CEP128: variants seen among roughly 807,000 people sequenced by gnomAD.
CEP128 encodes the protein centrosomal protein 128kDa.
Under a neutral mutation model 156.7 loss-of-function variants are expected in CEP128, and 132 were observed. The ratio of observed to expected loss-of-function variants is 0.84; its 90% CI spans 0.73 to 0.97. CEP128 has a LOEUF of 0.97. CEP128 is among the 50% of genes least tolerant of loss of function. CEP128 has a pLI of 0.00. For missense variants in CEP128, 1,252 were observed against 1,281.9 expected (o/e 0.98, Z 0.36); for synonymous variants, 469 against 448.9 (o/e 1.04, Z -0.57).
intron 8 of CEP128, chr14:80,894,440 T>A (rs905437186): frequency 2.8e-6 from 1 of 351,462 alleles, no homozygotes; most frequent in Non-Finnish European, 5.4e-6. Flanking sequence ...AATCTGTTAA[T>A]CTCAGAAAAG....
At chr14:80,677,427 T>C (rs1896105918) in intron 19 of CEP128, among the ~76,000 whole-genome samples, 1 of 138,812 alleles carries the variant, frequency 7.2e-6, no homozygotes, top group South Asian at 2.2e-4. Flanking sequence ...GAGAATCACT[T>C]GAACAAAGTA....
chr14:80,905,930 T>G (rs1883862827), intron 5 of CEP128, 25 bp downstream of exon 5: 2 of 1,603,924 alleles, frequency 1.2e-6, no homozygotes, highest in African/African-American at 2.7e-5. Context: ...TTTTTAATGT[T>G]TTTCAGAACA....
chr14:80,502,724 C>T (rs538757817), intron 24 of CEP128, among the ~76,000 whole-genome samples: 13 of 152,032 alleles, frequency 8.6e-5, no homozygotes, highest in Non-Finnish European at 1.6e-4. Context: ...TTTAAAACAT[C>T]CTCTGTTCCC....
At chr14:80,580,176 T>C (rs574322089) in intron 20 of CEP128, among the ~76,000 whole-genome samples, 198 bp downstream of exon 20, 14 of 152,320 alleles carry the variant, frequency 9.2e-5, no homozygotes, top group Non-Finnish European at 7.4e-5. Context: ...AAAAGTAGCA[T>C]AGAGGCTGAT....
intron 19 of CEP128, among the ~76,000 whole-genome samples, chr14:80,658,616 A>G (rs1895272747): frequency 6.6e-6 from 1 of 152,228 alleles, no homozygotes; most frequent in Admixed American, 6.5e-5. Flanking sequence ...GCCAAGGCTC[A>G]AATAAACAAG....
chr14:80,878,175 C>T (rs1178265809), intron 8 of CEP128, among the ~76,000 whole-genome samples: 1 of 152,152 alleles, frequency 6.6e-6, no homozygotes, highest in African/African-American at 2.4e-5. Context: ...GGTGACATGA[C>T]ACCATATACC....
At chr14:80,497,884 C>A (rs1413509284) in intron 24 of CEP128, among the ~76,000 whole-genome samples, 1 of 152,234 alleles carries the variant, frequency 6.6e-6, no homozygotes, top group Admixed American at 6.5e-5. Flanking sequence ...CACGCACACA[C>A]ACTTGCACAC....
intron 16 of CEP128, among the ~76,000 whole-genome samples, chr14:80,770,774 T>A (rs1246707273): frequency 2.0e-5 from 3 of 152,114 alleles, no homozygotes; most frequent in Non-Finnish European, 2.9e-5. Flanking sequence ...ACTTAAAATA[T>A]CTGTAGCACC....
rs770924918 is a variant in CEP128, at chr14:80,559,305, G to A, written c.2857-3C>T. 8.8e-6 allele frequency: 14 copies of A among 1,595,794 alleles called. No individual in the cohort carries two copies. In the Admixed American group the frequency reaches 8.9e-5, roughly 10 times the overall value. ...GTTTCTAATGCAATTACACGGTCCT[G>A]CAAAGAAAGCATAATATATAATTAT... On this transcript the variant is annotated splice_region_variant and splice_polypyrimidine_tract_variant and intron_variant, in intron 20 of 24. Transcript: ENST00000555265.
intron 8 of CEP128, among the ~76,000 whole-genome samples, chr14:80,863,145 T>G (rs1887601008): frequency 6.6e-6 from 1 of 152,184 alleles, no homozygotes; most frequent in African/African-American, 2.4e-5. Context: ...AATAATTCAG[T>G]AGATCAGAGT....
At chr14:80,516,131 G>T (rs1888476818) in intron 23 of CEP128, among the ~76,000 whole-genome samples, 1 of 152,162 alleles carries the variant, frequency 6.6e-6, no homozygotes. Context: ...GCCTCCCAAA[G>T]TGCTGGGATT....
intron 19 of CEP128, among the ~76,000 whole-genome samples, chr14:80,730,565 G>T (rs1229131913): frequency 6.6e-6 from 1 of 152,146 alleles, no homozygotes; most frequent in Non-Finnish European, 1.5e-5. Flanking sequence ...TGGCCCCAGT[G>T]AACTTTGAAA....
chr14:80,564,023 GT>G (rs1248801576), intron 20 of CEP128, among the ~76,000 whole-genome samples: 2 of 152,142 alleles, frequency 1.3e-5, no homozygotes, highest in African/African-American at 4.8e-5. Flanking sequence ...AAGTAAAAAT[GT>G]AAAATTCTAA....
intron 18 of CEP128, among the ~76,000 whole-genome samples, chr14:80,749,581 T>C (rs184859195): frequency 1.3e-4 from 20 of 152,176 alleles, no homozygotes; most frequent in Admixed American, 3.9e-4. Context: ...ATTAAAACAA[T>C]TGAACTCACT....
rs1884487678 is a variant in CEP128, at chr14:80,915,356, G to C, written c.148-948C>G. ...ACTTTAAATGAGTTTAAAAAGGATA[G>C]GTCCTCTGGTTTTCAAATCAATGCA... On this transcript the variant is annotated intron_variant, in intron 3 of 24. Coordinates refer to ENST00000555265, the MANE Select transcript of CEP128 (RefSeq NM_152446.5). Among the ~76,000 whole-genome samples, 5 of 152,210 alleles carry C rather than the reference G, an allele frequency of 3.3e-5. No individual in the cohort carries two copies. The South Asian group carries it at 8.3e-4, about 25-fold the overall frequency.
At chr14:80,736,519 T>TACAC (rs60552397) in intron 19 of CEP128, among the ~76,000 whole-genome samples, 31 of 149,710 alleles carry the variant, frequency 2.1e-4, no homozygotes, top group East Asian at 1.4e-3. Flanking sequence ...TACACACACA[T>TACAC]ACACACACAC....
At chr14:80,532,942 A>C (rs957843243) in intron 21 of CEP128, among the ~76,000 whole-genome samples, 1 of 152,156 alleles carries the variant, frequency 6.6e-6, no homozygotes. Flanking sequence ...TCTCTTTTTC[A>C]AGTTCCATTG....
intron 19 of CEP128, among the ~76,000 whole-genome samples, chr14:80,660,323 A>C (rs1895344958): frequency 6.6e-6 from 1 of 152,190 alleles, no homozygotes; most frequent in African/African-American, 2.4e-5. Flanking sequence ...TTAACATGTC[A>C]GTGTATATGT....
At chr14:80,680,324 A>G (rs930287436) in intron 19 of CEP128, among the ~76,000 whole-genome samples, 2 of 152,086 alleles carry the variant, frequency 1.3e-5, no homozygotes, top group Admixed American at 6.5e-5. Flanking sequence ...TCCACCCTGA[A>G]GCAGAAAGCC....
Sources: gnomAD v4.1 joint callset for allele counts (sites outside exome capture counted in the v4.1 genomes callset) on GRCh38, gnomAD v4.1.1 for gene constraint, MANE v1.5 for transcripts, NCBI Gene and HGNC (gene_info 2026-07-23, HGNC 2026-07-21) for gene names.